MPP7: variants seen among roughly 807,000 people sequenced by gnomAD.
The protein encoded by MPP7 is MAGUK p55 scaffold protein 7, also known as MAGUK p55 subfamily member 7.
A neutral mutation model predicts 76.5 loss-of-function variants in MPP7; 60 were observed. The observed-to-expected ratio is 0.78, with a 90% CI of 0.64 to 0.97. The LOEUF (loss-of-function observed/expected upper bound fraction) is 0.97, where lower values mean the gene tolerates loss of function less well. Ranked by LOEUF, MPP7 falls within the 50% of genes least tolerant of loss-of-function variation. MPP7 has a pLI of 0.00. For missense variants in MPP7, 641 were observed against 694.0 expected, an observed-to-expected ratio of 0.92 and a Z score of 0.86; for synonymous variants, 237 against 244.5, an observed-to-expected ratio of 0.97 and a Z score of 0.29.
chr10:28,193,774 A>G (rs1478971057), intron 3 of MPP7, among the ~76,000 whole-genome samples: 1 of 152,194 alleles, frequency 6.6e-6, no homozygotes, highest in Non-Finnish European at 1.5e-5. Flanking sequence ...TCAGCAAAGA[A>G]GATGTATAGA....
At chr10:28,059,956 G>C (rs1810667980) in intron 13 of MPP7, among the ~76,000 whole-genome samples, 1 of 151,728 alleles carries the variant, frequency 6.6e-6, no homozygotes, top group Non-Finnish European at 1.5e-5. Context: ...GGGTTAAAAA[G>C]TTAATTGCAT....
At chr10:28,332,246 C>CGTGTGTGTGTGTGTGT (rs4018712) in intron 1 of MPP7, among the ~76,000 whole-genome samples, 6,661 of 146,818 alleles carry the variant, frequency 0.045, 209 homozygotes, top group South Asian at 0.078. Context: ...CAAATGTATG[C>CGTGTGTGTGTGTGTGT]GTGTGTGTGT....
chr10:28,331,233 C>G (rs1254568278), intron 1 of MPP7, among the ~76,000 whole-genome samples: 3 of 152,174 alleles, frequency 2.0e-5, no homozygotes. Flanking sequence ...ATCTCAGTGG[C>G]TACTCATTGA....
intron 1 of MPP7, among the ~76,000 whole-genome samples, chr10:28,260,769 CAAAA>C (rs772017051): frequency 0.02 from 1,332 of 68,272 alleles, 18 homozygotes; most frequent in East Asian, 0.07. Context: ...GACTCCATCT[CAAAA>C]AAAAAAAAAA....
At chr10:28,294,038 T>C (rs1295156183) in intron 1 of MPP7, among the ~76,000 whole-genome samples, 1 of 152,156 alleles carries the variant, frequency 6.6e-6, no homozygotes, top group East Asian at 1.9e-4. Context: ...CTGGGCGTGG[T>C]GGCTCACGCC....
Position 28,092,394 on chromosome 10 carries a change from A to G in MPP7, c.953-2553T>C, listed in dbSNP as rs76438219. Among the ~76,000 whole-genome samples, 192 of 152,312 alleles carry G rather than the reference A, an allele frequency of 1.3e-3. 9 individuals are homozygous for G. In the East Asian group the frequency reaches 0.03, roughly 24 times the overall value. ...AAGACAAGAGATGACATCTGAGGAAAGCTAGAAGGTAAATACATCCCTCTG... is the reference window on the plus strand; with the variant it reads ...AAGACAAGAGATGACATCTGAGGAAGGCTAGAAGGTAAATACATCCCTCTG... On this transcript the variant is annotated intron_variant, in intron 11 of 16. Transcript: ENST00000683449.
intron 13 of MPP7, 148 bp downstream of exon 13, chr10:28,069,624 A>C (rs1852136791): frequency 2.1e-6 from 1 of 484,612 alleles, no homozygotes. Flanking sequence ...ACAAACAAAA[A>C]AAAAACTCAC....
intron 6 of MPP7, 89 bp from the exon 7 acceptor site, chr10:28,125,180 AGAGAAAACAACTACAAAAACG>A: frequency 8.8e-7 from 1 of 1,140,398 alleles, no homozygotes; most frequent in Admixed American, 2.0e-5. Context: ...ATCTGAAAAA[AGAGAAAACAACTACAAAAACG>A]AAAAAAAAGA....
chr10:28,286,207 A>G (rs973367520), intron 1 of MPP7, among the ~76,000 whole-genome samples: 3 of 151,950 alleles, frequency 2.0e-5, no homozygotes, highest in East Asian at 1.9e-4. Context: ...TTAGCCAGGC[A>G]TGGTGGTGGT....
chr10:28,217,104 C>T (rs1410891621), intron 2 of MPP7, among the ~76,000 whole-genome samples: 2 of 152,022 alleles, frequency 1.3e-5, no homozygotes, highest in Non-Finnish European at 2.9e-5. Flanking sequence ...AGTTTCAGTG[C>T]TTTAAAGTTT....
intron 1 of MPP7, among the ~76,000 whole-genome samples, chr10:28,253,687 T>C (rs953143674): frequency 6.6e-6 from 1 of 152,034 alleles, no homozygotes; most frequent in Admixed American, 6.6e-5. Context: ...AGACATCATT[T>C]CTCAATTATT....
At chr10:28,100,868 A>G (rs960971559) in intron 11 of MPP7, among the ~76,000 whole-genome samples, 13 of 152,186 alleles carry the variant, frequency 8.5e-5, no homozygotes, top group African/African-American at 3.1e-4. Context: ...TTTAAAGTAC[A>G]GCACAGAACA....
In MPP7 at chr10:28,302,901, C is replaced by T. The variant is rs535352091; in HGVS notation, c.-172G>A. Among the ~76,000 whole-genome samples the T allele has an allele frequency of 7.6e-3, 1,158 of 152,224 alleles. 15 individuals carry two copies. The highest frequency in any genetic ancestry group is 0.026 in the African/African-American group (1,096 of 41,556). ...GCGGTCCGCGGGCAGGAGGCGCACT[C>T]GCTCTGGCCCCTGCAGCCCCGGGCC... On this transcript the variant is annotated 5_prime_UTR_variant, in exon 1 of 17. Coordinates refer to ENST00000683449, the MANE Select transcript of MPP7 (RefSeq NM_001318170.2).
At chr10:28,275,164 A>G (rs1840452919) in intron 1 of MPP7, among the ~76,000 whole-genome samples, 1 of 152,148 alleles carries the variant, frequency 6.6e-6, no homozygotes, top group Non-Finnish European at 1.5e-5. Context: ...GCTAGACCCA[A>G]CATATAACCA....
Position 28,089,853 on chromosome 10 carries a change from AAAAT to A in MPP7, c.953-16_953-13del, listed in dbSNP as rs1853210761. 1 of 1,350,372 alleles carries A rather than the reference AAAAT, an allele frequency of 7.4e-7. No homozygotes were observed. The allele number at this position is 1,350,372 out of a possible 1,614,324, so 83.6% of individuals were successfully genotyped here. The stretch of plus-strand genomic sequence containing the variant: ...TTTTCTAAAACCAGCTGCAAATATT[AAAAT>A]AAATATATTTTTAGTAACATCAACC... On this transcript the variant is annotated splice_polypyrimidine_tract_variant and intron_variant, in intron 11 of 16. Coordinates refer to ENST00000683449, the MANE Select transcript of MPP7 (RefSeq NM_001318170.2).
At chr10:28,118,027 A>G (rs1291489469) in intron 11 of MPP7, 14 of 922,044 alleles carry the variant, frequency 1.5e-5, no homozygotes, top group Non-Finnish European at 1.8e-5. Flanking sequence ...AAAAAAAACA[A>G]AATTAGTCAA....
At chr10:28,080,982 T>A (rs1852733784) in intron 12 of MPP7, among the ~76,000 whole-genome samples, 1 of 152,198 alleles carries the variant, frequency 6.6e-6, no homozygotes, top group South Asian at 2.1e-4. Flanking sequence ...GGAGGCTTTG[T>A]GTTATGCCAC....
At chr10:28,285,552 AT>A (rs1393567784) in intron 1 of MPP7, among the ~76,000 whole-genome samples, 5 of 152,246 alleles carry the variant, frequency 3.3e-5, no homozygotes, top group African/African-American at 1.2e-4. Flanking sequence ...TCATAAAAAT[AT>A]TCTAATAACT....
At chr10:28,169,780 C>T (rs1836616271) in intron 3 of MPP7, among the ~76,000 whole-genome samples, 2 of 152,136 alleles carry the variant, frequency 1.3e-5, no homozygotes, top group Non-Finnish European at 2.9e-5. Flanking sequence ...CATATACAGA[C>T]CTTGCAGTCA....
Sources: gnomAD v4.1 joint callset for allele counts (sites outside exome capture counted in the v4.1 genomes callset) on GRCh38, gnomAD v4.1.1 for gene constraint, MANE v1.5 for transcripts, NCBI Gene and HGNC (gene_info 2026-07-23, HGNC 2026-07-21) for gene names.